DISC1: variants seen among roughly 807,000 people sequenced by gnomAD.
DISC1 encodes DISC1 scaffold protein.
In DISC1, 57 loss-of-function variants were observed where a neutral mutation model predicts 84.5. The ratio of observed to expected loss-of-function variants is 0.67; its 90% CI spans 0.55 to 0.84. The LOEUF (loss-of-function observed/expected upper bound fraction) is 0.84. DISC1 is among the 40% of genes least tolerant of loss of function. The probability of loss-of-function intolerance (pLI) is 0.00; values close to 1 mark genes in which losing one functional copy is unlikely to be tolerated. For synonymous variants in DISC1, 411 were observed against 415.2 expected (o/e 0.99, Z 0.12); for missense variants, 1,000 against 1,057.8 (o/e 0.95, Z 0.76).
At chr1:231,753,532 C>T (rs2074827321) in intron 4 of DISC1, among the ~76,000 whole-genome samples, 5 of 152,198 alleles carry the variant, frequency 3.3e-5, no homozygotes, top group South Asian at 2.1e-4. Context: ...CCGTCCTCCT[C>T]GGCCTCCAAG....
At chr1:231,661,735 T>G (rs192341347) in intron 1 of DISC1, among the ~76,000 whole-genome samples, 3 of 152,336 alleles carry the variant, frequency 2.0e-5, no homozygotes, top group African/African-American at 7.2e-5. Flanking sequence ...CCTTCTGAAG[T>G]CTACTTCTGT....
chr1:231,663,954 G>A (rs1436210396), intron 1 of DISC1, among the ~76,000 whole-genome samples: 4 of 152,108 alleles, frequency 2.6e-5, no homozygotes, highest in Admixed American at 2.6e-4. Context: ...TAGGTATTAA[G>A]TTGGACAGAT....
At chr1:231,795,390 CA>C (rs1335633645) in intron 7 of DISC1, 94 bp downstream of exon 7, 10 of 1,122,444 alleles carry the variant, frequency 8.9e-6, no homozygotes, top group African/African-American at 1.6e-5. Flanking sequence ...CTGGCTTCTG[CA>C]AAAAAAGATG....
At chr1:231,707,451 C>T (rs2067229055) in intron 3 of DISC1, among the ~76,000 whole-genome samples, 3 of 152,126 alleles carry the variant, frequency 2.0e-5, no homozygotes, top group African/African-American at 7.2e-5. Flanking sequence ...TCACCTTGTC[C>T]TGGTATACTA....
At chr1:231,994,888 T>G (rs1008780487) in intron 10 of DISC1, among the ~76,000 whole-genome samples, 1 of 152,224 alleles carries the variant, frequency 6.6e-6, no homozygotes, top group African/African-American at 2.4e-5. Flanking sequence ...TGCTATCCAT[T>G]GTGTTCTAAG....
intron 8 of DISC1, among the ~76,000 whole-genome samples, chr1:231,808,606 A>G (rs2079953397): frequency 6.6e-6 from 1 of 152,216 alleles, no homozygotes; most frequent in African/African-American, 2.4e-5. Context: ...TGGACATGGT[A>G]TTTACTGCGT....
At chr1:231,874,755 C>T (rs2085737662) in intron 9 of DISC1, among the ~76,000 whole-genome samples, 1 of 151,250 alleles carries the variant, frequency 6.6e-6, no homozygotes, top group Non-Finnish European at 1.5e-5. Flanking sequence ...ACCAAAAATA[C>T]AAAAAATTAG....
At chr1:231,635,336 A>T (rs1298145197) in intron 1 of DISC1, among the ~76,000 whole-genome samples, 6 of 151,454 alleles carry the variant, frequency 4.0e-5, no homozygotes, top group Non-Finnish European at 7.4e-5. Context: ...TATGCACATT[A>T]TTCTGCCCAC....
In DISC1 at chr1:231,667,923, G is replaced by T. The variant is rs539438387; in HGVS notation, c.68-25903G>T. 5.3e-5 allele frequency among the ~76,000 whole-genome samples: 8 copies of T among 152,190 alleles called. No individual in the cohort carries two copies. The South Asian group carries it at 1.7e-3, about 32-fold the overall frequency. The stretch of plus-strand genomic sequence containing the variant: ...TGTACATACTTAGCTGGGCGTGGTG[G>T]GGGGTGCCTGTAATGCAAGCTACTT... On this transcript the variant is annotated intron_variant, in intron 1 of 12. Transcript: ENST00000439617.
intron 3 of DISC1, among the ~76,000 whole-genome samples, chr1:231,734,446 C>T (rs980213607): frequency 6.6e-6 from 1 of 151,928 alleles, no homozygotes; most frequent in Non-Finnish European, 1.5e-5. Context: ...TAAACTGCAA[C>T]TTAAGGATGT....
At chr1:231,911,533 C>T (rs1376038785) in intron 9 of DISC1, among the ~76,000 whole-genome samples, 5 of 152,140 alleles carry the variant, frequency 3.3e-5, no homozygotes, top group Admixed American at 1.3e-4. Flanking sequence ...GAGTTTCTGT[C>T]GAACGATCCA....
rs966706038 is a variant in DISC1 at position 231,702,629 on chromosome 1, C to T, written c.1117+605C>T. 6 of 979,934 alleles carry T rather than the reference C, an allele frequency of 6.1e-6. No individual in the cohort carries two copies. In the African/African-American group the frequency reaches 1.1e-4, roughly 17 times the overall value. The allele number at this position is 979,934 out of a possible 1,614,324, so 60.7% of individuals were successfully genotyped here. On this transcript the variant is annotated intron_variant, in intron 3 of 12. Coordinates refer to ENST00000439617, the MANE Select transcript of DISC1 (RefSeq NM_018662.3). ...CAGAGATAGAGGGACTGATCTGAGGCCAGGAAAACAAACAAACAAAAAAAC... is the reference window on the plus strand; with the variant it reads ...CAGAGATAGAGGGACTGATCTGAGGTCAGGAAAACAAACAAACAAAAAAAC...
At chr1:231,690,914 G>A (rs1487603506) in intron 1 of DISC1, among the ~76,000 whole-genome samples, 1 of 152,208 alleles carries the variant, frequency 6.6e-6, no homozygotes, top group African/African-American at 2.4e-5. Flanking sequence ...GCCCTCAGCA[G>A]GGTGCAGAAG....
intron 4 of DISC1, among the ~76,000 whole-genome samples, chr1:231,762,509 GTTTTGT>G (rs2075830233): frequency 3.8e-5 from 2 of 52,548 alleles, no homozygotes; most frequent in African/African-American, 5.8e-5. Flanking sequence ...TTTTAGTTTT[GTTTTGT>G]TTTTTTTTTT....
rs1440156810 is a variant in DISC1 at position 231,986,973 on chromosome 1, A to G, written c.2043-21812A>G. ...TCCCCCCATTAATAATCATAATCAA[A>G]TAGCCATTATTGGTTTTTGGCAACA... On this transcript the variant is annotated intron_variant, in intron 10 of 12. Coordinates refer to ENST00000439617, the MANE Select transcript of DISC1 (RefSeq NM_018662.3). Among the ~76,000 whole-genome samples the G allele has an allele frequency of 2.0e-5, 3 of 152,260 alleles. No homozygotes were observed. The East Asian group carries it at 5.8e-4, about 29-fold the overall frequency.
intron 1 of DISC1, among the ~76,000 whole-genome samples, chr1:231,649,443 C>A (rs949019375): frequency 6.6e-6 from 1 of 152,116 alleles, no homozygotes; most frequent in Non-Finnish European, 1.5e-5. Context: ...GATTTCTGTT[C>A]TTTTACATTT....
At chr1:231,725,120 G>A (rs200883383) in intron 3 of DISC1, among the ~76,000 whole-genome samples, 4 of 152,064 alleles carry the variant, frequency 2.6e-5, no homozygotes, top group South Asian at 2.1e-4. Flanking sequence ...GTCAGCCCTC[G>A]CTGTGCAGCA....
At chr1:231,795,107 T>G (rs1320410513) in intron 6 of DISC1, 135 bp from the exon 7 acceptor site, 11 of 807,704 alleles carry the variant, frequency 1.4e-5, no homozygotes, top group African/African-American at 6.8e-5. Context: ...TGGAGCCAAT[T>G]TGGCATCATC....
intron 3 of DISC1, among the ~76,000 whole-genome samples, chr1:231,735,627 C>T (rs2072377333): frequency 6.6e-6 from 1 of 152,130 alleles, no homozygotes; most frequent in Non-Finnish European, 1.5e-5. Flanking sequence ...AAAATTTTCT[C>T]GAACTTTCTA....
Sources: allele counts gnomAD v4.1 joint callset (sites outside exome capture counted in the v4.1 genomes callset), GRCh38; gene constraint gnomAD v4.1.1; transcripts MANE v1.5; gene names NCBI Gene and HGNC (gene_info 2026-07-23, HGNC 2026-07-21).